Variants in NEGR1 observed in about 807,000 individuals in gnomAD.
The protein encoded by NEGR1 is IgLON family member 4.
A neutral mutation model predicts 40.9 loss-of-function variants in NEGR1; 10 were observed. The observed-to-expected ratio is 0.24, with a 90% confidence interval of 0.15 to 0.42. NEGR1 has a LOEUF of 0.42. Ranked by LOEUF, NEGR1 falls within the 10% of genes least tolerant of loss-of-function variation. The pLI, the probability that NEGR1 is intolerant of heterozygous loss-of-function variation, is 1.00. For synonymous variants in NEGR1, 185 were observed against 166.8 expected, an observed-to-expected ratio of 1.11 and a Z score of -0.84; for missense variants, 352 against 438.9, an observed-to-expected ratio of 0.80 and a Z score of 1.77.
chr1:72,209,139 T>C (rs964590330), intron 1 of NEGR1, among the ~76,000 whole-genome samples: 2 of 151,652 alleles, frequency 1.3e-5, no homozygotes, highest in Non-Finnish European at 1.5e-5. Flanking sequence ...TTTTTTCTTA[T>C]TATTAAACTC....
intron 1 of NEGR1, among the ~76,000 whole-genome samples, chr1:72,247,458 C>T (rs1654938153): frequency 6.6e-6 from 1 of 152,146 alleles, no homozygotes; most frequent in African/African-American, 2.4e-5. Flanking sequence ...ATTTCTTTCA[C>T]CAGATACTTT....
At chr1:71,543,018 A>G (rs1319370668) in intron 6 of NEGR1, among the ~76,000 whole-genome samples, 2 of 151,760 alleles carry the variant, frequency 1.3e-5, no homozygotes, top group Non-Finnish European at 3.0e-5. Context: ...GAGTATGTAT[A>G]TATGACATGA....
At chr1:72,048,524 A>AT (rs1165472184) in intron 1 of NEGR1, among the ~76,000 whole-genome samples, 1 of 151,436 alleles carries the variant, frequency 6.6e-6, no homozygotes, top group African/African-American at 2.4e-5. Context: ...TTTACCCAGC[A>AT]TTTTTTCCCC....
At chr1:71,769,801 C>G (rs1433546580) in intron 3 of NEGR1, among the ~76,000 whole-genome samples, 1 of 152,108 alleles carries the variant, frequency 6.6e-6, no homozygotes, top group Non-Finnish European at 1.5e-5. Context: ...AAAATTTAAA[C>G]ACATTTCAAA....
chr1:71,725,923 A>G (rs1040059613), intron 3 of NEGR1, among the ~76,000 whole-genome samples: 1 of 152,094 alleles, frequency 6.6e-6, no homozygotes, highest in African/African-American at 2.4e-5. Flanking sequence ...TACATAAGTG[A>G]CATTTGTTTT....
At chr1:71,920,881 T>G (rs1330878314) in intron 2 of NEGR1, among the ~76,000 whole-genome samples, 1 of 152,202 alleles carries the variant, frequency 6.6e-6, no homozygotes, top group Non-Finnish European at 1.5e-5. Context: ...GTTATTTTTC[T>G]TAAAGTTTCA....
chr1:71,638,367 A>C (rs1020153930), intron 4 of NEGR1, among the ~76,000 whole-genome samples: 3 of 152,038 alleles, frequency 2.0e-5, no homozygotes, highest in Non-Finnish European at 2.9e-5. Context: ...TAGCCTTCAT[A>C]AGCCTGTTTA....
intron 1 of NEGR1, among the ~76,000 whole-genome samples, chr1:72,098,620 C>G (rs1303959250): frequency 6.6e-6 from 1 of 152,128 alleles, no homozygotes; most frequent in Non-Finnish European, 1.5e-5. Context: ...CCACCACAGA[C>G]AGTAAAATCT....
intron 5 of NEGR1, among the ~76,000 whole-genome samples, chr1:71,594,867 A>G (rs1649642045): frequency 6.6e-6 from 1 of 152,170 alleles, no homozygotes; most frequent in African/African-American, 2.4e-5. Flanking sequence ...TCTCCAGAGG[A>G]CTCAGAAACT....
intron 1 of NEGR1, among the ~76,000 whole-genome samples, chr1:72,263,065 T>C (rs889687814): frequency 1.3e-5 from 2 of 151,738 alleles, no homozygotes; most frequent in African/African-American, 2.4e-5. Flanking sequence ...TTAAAGACAT[T>C]TGTGAAGCAT....
intron 4 of NEGR1, among the ~76,000 whole-genome samples, chr1:71,689,506 C>T (rs1410293906): frequency 2.0e-5 from 3 of 152,034 alleles, no homozygotes; most frequent in Non-Finnish European, 4.4e-5. Flanking sequence ...TTTTCATTAT[C>T]CTGTAATATC....
At chr1:71,923,127 C>T (rs1367784087) in intron 2 of NEGR1, among the ~76,000 whole-genome samples, 1 of 152,148 alleles carries the variant, frequency 6.6e-6, no homozygotes, top group Non-Finnish European at 1.5e-5. Flanking sequence ...TATGCAGCCC[C>T]TGTTCTGCTC....
chr1:71,799,085 T>G (rs1657452553), intron 2 of NEGR1, among the ~76,000 whole-genome samples: 2 of 151,986 alleles, frequency 1.3e-5, no homozygotes, highest in Non-Finnish European at 1.5e-5. Flanking sequence ...GGGATACATG[T>G]GCAGAACATG....
At chr1:71,597,178 G>T (rs1570084621) in intron 5 of NEGR1, among the ~76,000 whole-genome samples, 2 of 152,098 alleles carry the variant, frequency 1.3e-5, no homozygotes, top group South Asian at 4.1e-4. Flanking sequence ...AGTCATGAGT[G>T]ATGGTAGAAC....
intron 6 of NEGR1, among the ~76,000 whole-genome samples, chr1:71,560,429 T>TTATATATAGATATATA (rs1648411134): frequency 8.8e-6 from 1 of 114,266 alleles, no homozygotes; most frequent in Non-Finnish European, 1.8e-5. Flanking sequence ...TAATTCTCCA[T>TTATATATAGATATATA]TATATATATA....
intron 2 of NEGR1, among the ~76,000 whole-genome samples, chr1:71,817,987 G>C (rs1240128111): frequency 1.3e-5 from 2 of 151,904 alleles, no homozygotes; most frequent in Non-Finnish European, 2.9e-5. Context: ...ACCACAGTGA[G>C]ATACCATCTC....
chr1:71,539,559 T>C (rs924672716), intron 6 of NEGR1, among the ~76,000 whole-genome samples: 2 of 151,688 alleles, frequency 1.3e-5, no homozygotes, highest in South Asian at 4.1e-4. Flanking sequence ...TGTGTGTATA[T>C]GATGGAGTAA....
intron 1 of NEGR1, among the ~76,000 whole-genome samples, chr1:71,947,282 A>G (rs1379414556): frequency 6.6e-6 from 1 of 151,694 alleles, no homozygotes; most frequent in East Asian, 1.9e-4. Context: ...AAATGGCAAA[A>G]CTTTTTACTT....
At chr1:71,519,895 G>C (rs548789852) in intron 6 of NEGR1, among the ~76,000 whole-genome samples, 1 of 152,102 alleles carries the variant, frequency 6.6e-6, no homozygotes, top group African/African-American at 2.4e-5. Flanking sequence ...TTATAGACCT[G>C]AGACTAGGTG....
Sources: gnomAD v4.1 joint callset for allele counts (sites outside exome capture counted in the v4.1 genomes callset) on GRCh38, gnomAD v4.1.1 for gene constraint, MANE v1.5 for transcripts, NCBI Gene and HGNC (gene_info 2026-07-23, HGNC 2026-07-21) for gene names.